The following PHF24 variants were observed in gnomAD, a reference collection of about 807,000 sequenced individuals.
The protein encoded by PHF24 is PHD finger protein 24, also known as Galpha inhibitory interacting protein.
Under a neutral mutation model 42.6 loss-of-function variants are expected in PHF24, and 25 were observed. That is an observed-to-expected ratio of 0.59 (90% CI 0.43 to 0.82). The LOEUF is 0.82. Among genes scored for constraint, PHF24 ranks in the 40% least tolerant of loss-of-function variants. The probability of loss-of-function intolerance (pLI) is 0.00; values close to 1 mark genes in which losing one functional copy is unlikely to be tolerated. For synonymous variants in PHF24, 185 were observed against 204.8 expected (o/e 0.90, Z 0.83); for missense variants, 470 against 538.1 (o/e 0.87, Z 1.25).
chr9:34,941,956 A>C, the PHF24 span, among the ~76,000 whole-genome samples: 1 of 152,180 alleles, frequency 6.6e-6, no homozygotes, highest in African/African-American at 2.4e-5. Flanking sequence ...CTTGTCACTA[A>C]GTGGCTGGTT....
At chr9:34,801,251 A>G in the PHF24 span, among the ~76,000 whole-genome samples, 1 of 152,318 alleles carries the variant, frequency 6.6e-6, no homozygotes, top group East Asian at 1.9e-4. Flanking sequence ...TTCCTCAAGG[A>G]TCTAGAACCA....
chr9:34,960,475 A>G (rs1023296480), intron 1 of PHF24, among the ~76,000 whole-genome samples: 7 of 152,182 alleles, frequency 4.6e-5, no homozygotes, highest in African/African-American at 1.7e-4. Flanking sequence ...TCCCCATTGT[A>G]AAGTTGTTTA....
At chr9:34,842,921 T>C in the PHF24 span, among the ~76,000 whole-genome samples, 5 of 152,360 alleles carry the variant, frequency 3.3e-5, no homozygotes, top group East Asian at 1.9e-4. Context: ...TTCTAATATA[T>C]GTGTAATGGT....
At chr9:34,967,363 C>T (rs555092761) in intron 1 of PHF24, among the ~76,000 whole-genome samples, 1 of 152,290 alleles carries the variant, frequency 6.6e-6, no homozygotes, top group East Asian at 1.9e-4. Context: ...CAGGGAGCAT[C>T]ACATGTAGTA....
the PHF24 span, among the ~76,000 whole-genome samples, chr9:34,706,732 T>C: frequency 2.0e-5 from 3 of 152,194 alleles, no homozygotes; most frequent in Admixed American, 1.3e-4. Context: ...CCTATGTTTT[T>C]CTTTTCACTA....
the PHF24 span, chr9:34,724,918 C>G: frequency 7.7e-6 from 12 of 1,550,970 alleles, no homozygotes; most frequent in Non-Finnish European, 9.6e-6. Context: ...GTAAAGTTGT[C>G]TCCAGTTTCT....
chr9:34,675,617 C>A, the PHF24 span, among the ~76,000 whole-genome samples: 1 of 152,156 alleles, frequency 6.6e-6, no homozygotes, highest in East Asian at 1.9e-4. Flanking sequence ...TGAGCAATAG[C>A]ATACACCCCT....
chr9:34,922,347 G>T, the PHF24 span: 6 of 1,554,686 alleles, frequency 3.9e-6, no homozygotes, highest in South Asian at 5.6e-5. Context: ...AGCTGTCTTT[G>T]CAAGAGAGCA....
chr9:34,768,256 T>C, the PHF24 span, among the ~76,000 whole-genome samples: 1 of 152,240 alleles, frequency 6.6e-6, no homozygotes, highest in Non-Finnish European at 1.5e-5. Context: ...GGCTATCCCA[T>C]GCAAGCTGTT....
chr9:34,814,378 A>T, the PHF24 span, among the ~76,000 whole-genome samples: 1 of 152,190 alleles, frequency 6.6e-6, no homozygotes, highest in African/African-American at 2.4e-5. Flanking sequence ...TTTCTTGTCC[A>T]TTTCTCAGCG....
chr9:34,951,282 A>G, the PHF24 span, among the ~76,000 whole-genome samples: 1 of 152,170 alleles, frequency 6.6e-6, no homozygotes, highest in African/African-American at 2.4e-5. Context: ...AAAGATGTCA[A>G]TGTCCCAATC....
chr9:34,966,203 C>T (rs909442425), intron 1 of PHF24, among the ~76,000 whole-genome samples: 10 of 152,210 alleles, frequency 6.6e-5, no homozygotes, highest in African/African-American at 2.4e-4. Flanking sequence ...TTCTCCCCTC[C>T]TCCCGGAGTT....
chr9:34,742,894 G>A, the PHF24 span, among the ~76,000 whole-genome samples: 1 of 152,192 alleles, frequency 6.6e-6, no homozygotes, highest in Non-Finnish European at 1.5e-5. Flanking sequence ...TGAACTGCTT[G>A]TTTTTGTAAA....
At chr9:34,730,730 G>A in the PHF24 span, among the ~76,000 whole-genome samples, 1 of 152,252 alleles carries the variant, frequency 6.6e-6, no homozygotes, top group Non-Finnish European at 1.5e-5. Context: ...GAGGATCATG[G>A]TCATCAGAGA....
the PHF24 span, among the ~76,000 whole-genome samples, chr9:34,735,528 C>T: frequency 1.3e-5 from 2 of 150,754 alleles, no homozygotes; most frequent in African/African-American, 4.9e-5. Flanking sequence ...AGGCCGGGCA[C>T]GGTGGCTCAC....
At chr9:34,982,022 G>A (rs938663514) in exon 8 of PHF24, 2 of 152,086 alleles carry the variant, frequency 1.3e-5, no homozygotes, top group Admixed American at 6.6e-5. Flanking sequence ...CAGAATTTCG[G>A]CTAGCACTAA....
chr9:34,807,866 C>A, the PHF24 span, among the ~76,000 whole-genome samples: 1 of 152,096 alleles, frequency 6.6e-6, no homozygotes, highest in Admixed American at 6.5e-5. Context: ...TGCCTAGACA[C>A]CACCAAGAAG....
the PHF24 span, among the ~76,000 whole-genome samples, chr9:34,667,988 A>T: frequency 1.3e-5 from 2 of 152,130 alleles, no homozygotes; most frequent in Non-Finnish European, 2.9e-5. Flanking sequence ...GAGACTGGAC[A>T]TTCTCCACCC....
chr9:34,762,241 T>G, the PHF24 span, among the ~76,000 whole-genome samples: 2 of 151,028 alleles, frequency 1.3e-5, no homozygotes, highest in Non-Finnish European at 3.0e-5. Flanking sequence ...CAAATGGTAT[T>G]TCCAGTTCTA....
Sources: gnomAD v4.1 joint callset for allele counts (sites outside exome capture counted in the v4.1 genomes callset) on GRCh38, gnomAD v4.1.1 for gene constraint, MANE v1.5 for transcripts, NCBI Gene and HGNC (gene_info 2026-07-23, HGNC 2026-07-21) for gene names.